The following HDX variants were observed in gnomAD, a reference collection of about 807,000 sequenced individuals.
HDX encodes highly divergent homeobox.
HDX carries 19 observed loss-of-function variants against 45.2 expected under a neutral mutation model. That is an observed-to-expected ratio of 0.42 (90% CI 0.29 to 0.62). The LOEUF is 0.62. HDX is among the 20% of genes least tolerant of loss of function. The pLI is 0.20. For missense variants in HDX, 532 were observed against 493.9 expected (o/e 1.08, Z -0.73); for synonymous variants, 188 against 172.8 (o/e 1.09, Z -0.69).
chrX:84,444,705 A>G (rs1225009886), intron 4 of HDX, among the ~76,000 whole-genome samples: 1 of 111,561 alleles, frequency 9.0e-6, no homozygotes, highest in Admixed American at 9.5e-5. Flanking sequence ...AAAATAATGC[A>G]CTTATTTAGA....
intron 4 of HDX, among the ~76,000 whole-genome samples, chrX:84,462,716 G>A (rs750432334): frequency 1.8e-5 from 2 of 110,849 alleles, no homozygotes; most frequent in South Asian, 7.5e-4. Context: ...TGGCATCAAA[G>A]AGAGTAATAA....
At chrX:84,327,565 GGTTAAA>G (rs2036740820) in intron 9 of HDX, among the ~76,000 whole-genome samples, 2 of 111,436 alleles carry the variant, frequency 1.8e-5, no homozygotes, top group African/African-American at 6.5e-5. Context: ...AATAAACAGT[GGTTAAA>G]CAAATGTAAA....
At chrX:84,365,818 T>C (rs2037736053) in intron 5 of HDX, among the ~76,000 whole-genome samples, 2 of 111,225 alleles carry the variant, frequency 1.8e-5, no homozygotes, top group Non-Finnish European at 3.8e-5. Flanking sequence ...AAACTAGGTA[T>C]TGATGGAATG....
intron 5 of HDX, among the ~76,000 whole-genome samples, chrX:84,368,341 A>G (rs1162155179): frequency 8.9e-6 from 1 of 111,851 alleles, no homozygotes; most frequent in Non-Finnish European, 1.9e-5. Flanking sequence ...TGATATTTTA[A>G]TCACATTGCA....
chrX:84,475,167 T>C (rs751076966), intron 3 of HDX, 84 bp downstream of exon 3: 2 of 806,094 alleles, frequency 2.5e-6, no homozygotes, highest in South Asian at 2.4e-5. Flanking sequence ...AGTGACTTCA[T>C]ACCCTGAATA....
At chrX:84,476,367 CT>C (rs919188690) in intron 2 of HDX, among the ~76,000 whole-genome samples, 2 of 109,297 alleles carry the variant, frequency 1.8e-5, no homozygotes, top group Non-Finnish European at 3.8e-5. Context: ...AGAAAAGCGT[CT>C]CCTCAAAATT....
chrX:84,415,143 T>C (rs1166961481), intron 5 of HDX, among the ~76,000 whole-genome samples: 2 of 112,032 alleles, frequency 1.8e-5, no homozygotes, highest in Non-Finnish European at 3.8e-5. Context: ...GAAACTTTCA[T>C]TTCTTGTGTA....
At chrX:84,399,103 C>T (rs759113642) in intron 5 of HDX, among the ~76,000 whole-genome samples, 3 of 111,381 alleles carry the variant, frequency 2.7e-5, no homozygotes, top group South Asian at 7.5e-4. Context: ...TAAATGCCCA[C>T]ATCAGAAAGC....
intron 1 of HDX, among the ~76,000 whole-genome samples, 189 bp from the exon 2 acceptor site, chrX:84,488,321 TAA>T (rs200743828): frequency 0.05 from 2,948 of 59,087 alleles, 47 homozygotes; most frequent in Non-Finnish European, 0.069. Flanking sequence ...GTTTAAAATC[TAA>T]AACACACACA....
At chrX:84,378,577 T>C (rs1259723894) in intron 5 of HDX, among the ~76,000 whole-genome samples, 1 of 111,724 alleles carries the variant, frequency 9.0e-6, no homozygotes, top group Non-Finnish European at 1.9e-5. Context: ...TACATTGTTA[T>C]AAGGTTAAAA....
At chrX:84,330,103 G>T (rs2036814949) in intron 9 of HDX, among the ~76,000 whole-genome samples, 1 of 111,188 alleles carries the variant, frequency 9.0e-6, no homozygotes, top group Admixed American at 9.6e-5. Flanking sequence ...GATATGTTAT[G>T]TCGTTTGATT....
chrX:84,483,636 G>T (rs1396271360), intron 2 of HDX, among the ~76,000 whole-genome samples: 1 of 112,406 alleles, frequency 8.9e-6, no homozygotes, highest in East Asian at 2.8e-4. Flanking sequence ...CCTCTGAAAT[G>T]CCCGGGAGAC....
chrX:84,459,675 A>C (rs951346590), intron 4 of HDX, among the ~76,000 whole-genome samples: 1 of 70,069 alleles, frequency 1.4e-5, no homozygotes, highest in Non-Finnish European at 3.5e-5. Flanking sequence ...AAGTTATTAG[A>C]AAAAAAAAAT....
intron 5 of HDX, among the ~76,000 whole-genome samples, chrX:84,435,420 C>A (rs1466991334): frequency 9.1e-6 from 1 of 110,231 alleles, no homozygotes; most frequent in Non-Finnish European, 1.9e-5. Flanking sequence ...TTGTTTTTTT[C>A]TTGTAAATTT....
chrX:84,478,106 T>G (rs2040594447), intron 2 of HDX, among the ~76,000 whole-genome samples: 2 of 112,300 alleles, frequency 1.8e-5, no homozygotes, highest in South Asian at 3.7e-4. Flanking sequence ...TAAGTTATGA[T>G]ATATGAACTC....
At chrX:84,399,569 T>G (rs187246395) in intron 5 of HDX, among the ~76,000 whole-genome samples, 1 of 111,221 alleles carries the variant, frequency 9.0e-6, no homozygotes, top group Admixed American at 9.6e-5. Context: ...AGGCAGTAAT[T>G]AATAGCCTAC....
intron 5 of HDX, among the ~76,000 whole-genome samples, chrX:84,399,944 A>G (rs1328798914): frequency 8.9e-6 from 1 of 111,986 alleles, no homozygotes; most frequent in Non-Finnish European, 1.9e-5. Flanking sequence ...TTACATAAAT[A>G]GAATCAATGA....
In HDX at chrX:84,398,915, A is replaced by C. The variant is rs186137623; in HGVS notation, c.1306-37303T>G. Among the ~76,000 whole-genome samples, 936 of 111,972 alleles carry C rather than the reference A, an allele frequency of 8.4e-3. 7 individuals are homozygous for C. The highest frequency in any genetic ancestry group is 0.029 in the African/African-American group (881 of 30,781). On this transcript the variant is annotated intron_variant, in intron 5 of 10. Coordinates refer to ENST00000373177, the MANE Select transcript of HDX (RefSeq NM_001177479.2). ...ACTAGAACTCAGGATTAAGGAACTC[A>C]CTCAAAACCACACAATAACATGAAA...
intron 4 of HDX, among the ~76,000 whole-genome samples, chrX:84,465,034 A>T (rs1398500943): frequency 2.7e-5 from 3 of 112,506 alleles, no homozygotes; most frequent in African/African-American, 9.7e-5. Flanking sequence ...CACTTGTCAA[A>T]AGAAGACATT....
Sources: allele counts gnomAD v4.1 joint callset (sites outside exome capture counted in the v4.1 genomes callset), GRCh38; gene constraint gnomAD v4.1.1; transcripts MANE v1.5; gene names NCBI Gene and HGNC (gene_info 2026-07-23, HGNC 2026-07-21).